The following ST6GALNAC3 variants were observed in gnomAD, a reference collection of about 807,000 sequenced individuals.
ST6GALNAC3 encodes alpha-N-acetylgalactosaminide alpha-2,6-sialyltransferase 3.
A neutral mutation model predicts 32.7 loss-of-function variants in ST6GALNAC3; 25 were observed. The observed-to-expected ratio is 0.76, with a 90% confidence interval of 0.56 to 1.07. The LOEUF (loss-of-function observed/expected upper bound fraction) is 1.07. ST6GALNAC3 is among the 50% of genes least tolerant of loss of function. ST6GALNAC3 has a pLI of 0.00. For missense variants in ST6GALNAC3, 355 were observed against 382.4 expected, an observed-to-expected ratio of 0.93 and a Z score of 0.60; for synonymous variants, 129 against 133.1, an observed-to-expected ratio of 0.97 and a Z score of 0.21.
At chr1:76,332,988 G>C (rs1647222557) in intron 2 of ST6GALNAC3, among the ~76,000 whole-genome samples, 1 of 151,984 alleles carries the variant, frequency 6.6e-6, no homozygotes, top group South Asian at 2.1e-4. Context: ...CTTTTGTGCA[G>C]AGCTCCTCTT....
At chr1:76,423,136 C>T (rs535085028) in intron 3 of ST6GALNAC3, among the ~76,000 whole-genome samples, 2 of 152,132 alleles carry the variant, frequency 1.3e-5, no homozygotes, top group South Asian at 4.1e-4. Flanking sequence ...TAGTCATTTT[C>T]CTTCTGCCGT....
At chr1:76,315,327 C>T (rs977652174) in intron 2 of ST6GALNAC3, among the ~76,000 whole-genome samples, 9 of 152,090 alleles carry the variant, frequency 5.9e-5, no homozygotes, top group Admixed American at 5.9e-4. Context: ...TTAATCAATT[C>T]ACAAGTGCCT....
intron 1 of ST6GALNAC3, among the ~76,000 whole-genome samples, chr1:76,156,252 C>A (rs926762278): frequency 6.6e-6 from 1 of 152,144 alleles, no homozygotes; most frequent in East Asian, 1.9e-4. Flanking sequence ...CTCGCTGAGA[C>A]GGTGTTTGTC....
At chr1:76,518,497 T>C (rs1297169537) in intron 3 of ST6GALNAC3, among the ~76,000 whole-genome samples, 1 of 152,124 alleles carries the variant, frequency 6.6e-6, no homozygotes, top group East Asian at 1.9e-4. Context: ...GGGTATTTTT[T>C]CTTCATTCTT....
At chr1:76,434,979 C>T (rs961864793) in intron 3 of ST6GALNAC3, among the ~76,000 whole-genome samples, 4 of 151,688 alleles carry the variant, frequency 2.6e-5, no homozygotes, top group Middle Eastern at 3.4e-3. Context: ...TTAGCAGAGA[C>T]GGGGTTTCAC....
rs891905636 is a variant in ST6GALNAC3 at position 76,509,820 on chromosome 1, T to C, written c.623+97403T>C. ...TTCCTCACATTGCTGTTTCTCTATT[T>C]CTCTTTTAAGGACCCCCATGGTTAC... On this transcript the variant is annotated intron_variant, in intron 3 of 4. Coordinates refer to ENST00000328299, the MANE Select transcript of ST6GALNAC3 (RefSeq NM_152996.4). This position sits in a 1 kb window ranked among gnomAD's most constrained non-coding sequence, Gnocchi z 5.5. Among the ~76,000 whole-genome samples, 5 of 152,178 alleles carry C rather than the reference T, an allele frequency of 3.3e-5. No homozygotes were observed. Among genetic ancestry groups the C allele is most frequent in the African/African-American group, 1.2e-4 (5 of 41,448 alleles).
In ST6GALNAC3 at chr1:76,285,136, C is replaced by T. The variant is rs1659704845; in HGVS notation, c.19-28669C>T. On this transcript the variant is annotated intron_variant, in intron 1 of 4. Coordinates refer to ENST00000328299, the MANE Select transcript of ST6GALNAC3 (RefSeq NM_152996.4). ...CACATAGAGAATTCCTTGTGTCTAACCTAGAACTAAAGCCTGTGAGAACAC... is the reference window on the plus strand; with the variant it reads ...CACATAGAGAATTCCTTGTGTCTAATCTAGAACTAAAGCCTGTGAGAACAC... Among the ~76,000 whole-genome samples the T allele has an allele frequency of 2.0e-5, 3 of 152,162 alleles. No individual in the cohort carries two copies. The South Asian group carries it at 6.2e-4, about 32-fold the overall frequency.
chr1:76,354,243 C>T (rs1176973832), intron 2 of ST6GALNAC3: 1 of 152,248 alleles, frequency 6.6e-6, no homozygotes, highest in Non-Finnish European at 1.5e-5. Flanking sequence ...GTGCCAGCTC[C>T]AGGCTGGGCC....
chr1:76,304,932 C>T (rs1660954071), intron 1 of ST6GALNAC3, among the ~76,000 whole-genome samples: 1 of 151,882 alleles, frequency 6.6e-6, no homozygotes, highest in Non-Finnish European at 1.5e-5. Context: ...AGCAGAGGTT[C>T]GCAGAAGCCA....
Position 76,336,377 on chromosome 1 carries a change from GA to G in ST6GALNAC3, c.213+22380del, listed in dbSNP as rs1179521821. 3.3e-5 allele frequency among the ~76,000 whole-genome samples: 5 copies of G among 152,270 alleles called. No individual in the cohort carries two copies. In the East Asian group the frequency reaches 9.7e-4, roughly 29 times the overall value. On this transcript the variant is annotated intron_variant, in intron 2 of 4. Transcript: ENST00000328299. The stretch of plus-strand genomic sequence containing the variant: ...GTCATGGAATGCCCTTAAATTTAAT[GA>G]ATAAGTGAATCCCAAGACAATGGTA...
chr1:76,322,176 A>G (rs370544990), intron 2 of ST6GALNAC3, among the ~76,000 whole-genome samples: 111 of 152,278 alleles, frequency 7.3e-4, no homozygotes, highest in African/African-American at 2.2e-3. Context: ...CCTTGATTTG[A>G]GGGTTGAAAA....
intron 2 of ST6GALNAC3, among the ~76,000 whole-genome samples, chr1:76,378,804 G>GT (rs1203196617): frequency 1.3e-5 from 2 of 152,274 alleles, no homozygotes; most frequent in Non-Finnish European, 2.9e-5. Flanking sequence ...TTAGGGTGGT[G>GT]TTTTTTTGTT....
chr1:76,427,975 A>C (rs1453882195), intron 3 of ST6GALNAC3, among the ~76,000 whole-genome samples: 1 of 152,134 alleles, frequency 6.6e-6, no homozygotes, highest in African/African-American at 2.4e-5. Context: ...CAGTCTTCAC[A>C]CAAAGAATAG....
At chr1:76,298,801 C>T (rs1430734656) in intron 1 of ST6GALNAC3, among the ~76,000 whole-genome samples, 2 of 152,032 alleles carry the variant, frequency 1.3e-5, no homozygotes, top group Non-Finnish European at 2.9e-5. Flanking sequence ...CTGCTATCAG[C>T]ACCACATGGG....
chr1:76,603,310 C>A (rs972366913), intron 3 of ST6GALNAC3, among the ~76,000 whole-genome samples: 7 of 152,142 alleles, frequency 4.6e-5, no homozygotes, highest in African/African-American at 1.4e-4. Context: ...AAACTGGAAT[C>A]ATCTCAAATA....
chr1:76,548,953 T>A (rs1390748739), intron 3 of ST6GALNAC3, among the ~76,000 whole-genome samples: 2 of 152,184 alleles, frequency 1.3e-5, no homozygotes, highest in Non-Finnish European at 2.9e-5. Flanking sequence ...AGGTACTTAA[T>A]AAACATGGTT....
At chr1:76,617,220 A>G (rs1648351181) in intron 3 of ST6GALNAC3, among the ~76,000 whole-genome samples, 1 of 152,220 alleles carries the variant, frequency 6.6e-6, no homozygotes, top group Non-Finnish European at 1.5e-5. Flanking sequence ...AACCATTTCT[A>G]AAGGAAAAGC....
intron 2 of ST6GALNAC3, among the ~76,000 whole-genome samples, chr1:76,399,877 A>G (rs898973579): frequency 1.3e-5 from 2 of 152,126 alleles, no homozygotes; most frequent in African/African-American, 4.8e-5. Flanking sequence ...TTTTAGCTAT[A>G]TTGAAATACA....
At chr1:76,104,932 C>A (rs568167407) in intron 1 of ST6GALNAC3, among the ~76,000 whole-genome samples, 3 of 152,106 alleles carry the variant, frequency 2.0e-5, no homozygotes, top group Non-Finnish European at 4.4e-5. Flanking sequence ...GAAAACAACA[C>A]GGGAAAGACC....
Sources: allele counts gnomAD v4.1 joint callset (sites outside exome capture counted in the v4.1 genomes callset), GRCh38; gene constraint gnomAD v4.1.1; non-coding constraint Gnocchi (gnomAD v3.1); transcripts MANE v1.5; gene names NCBI Gene and HGNC (gene_info 2026-07-23, HGNC 2026-07-21).